The following SULT1A2 variants were observed in gnomAD, a reference collection of about 807,000 sequenced individuals.
The protein encoded by SULT1A2 is sulfotransferase family 1A member 2.
In SULT1A2, 33 loss-of-function variants were observed where a neutral mutation model predicts 36.0. The observed-to-expected ratio is 0.92, with a 90% CI of 0.69 to 1.22. SULT1A2 has a LOEUF of 1.22. SULT1A2 is among the 50% of genes most tolerant of loss of function. The pLI, the probability that SULT1A2 is intolerant of heterozygous loss-of-function variation, is 0.00. For synonymous variants in SULT1A2, 138 were observed against 144.5 expected (o/e 0.96, Z 0.32); for missense variants, 367 against 383.2 (o/e 0.96, Z 0.35).
Position 28,595,895 on chromosome 16 carries a change from C to T in SULT1A2, c.36G>A (p.Leu12=). 1.2e-6 allele frequency: 2 copies of T among 1,602,500 alleles called. No homozygotes were observed. The highest frequency in any genetic ancestry group is 3.4e-5 in the Admixed American group (2 of 58,862). The change falls in exon 2 of 8, where the codon CTG becomes CTA. Residue 12 remains leucine, a synonymous_variant. Coordinates refer to ENST00000335715, the MANE Select transcript of SULT1A2 (RefSeq NM_001054.4). Reference sequence around the variant, plus strand: ...TGAGCGGGACCCCCTTCACGTACTCCAGTGGCGGGCGAGAGATGTCCTGGA... The same window carrying T: ...TGAGCGGGACCCCCTTCACGTACTCTAGTGGCGGGCGAGAGATGTCCTGGA... ...ELIQDISRPP[L]EYVKGVPLIK...
intron 1 of SULT1A2, 161 bp downstream of exon 1, chr16:28,596,836 A>G (rs2047064218): frequency 2.3e-6 from 1 of 425,864 alleles, no homozygotes; most frequent in Non-Finnish European, 3.8e-6. Context: ...CCCCGGAAAA[A>G]AAAAAAAGGA....
chr16:28,593,178 G>C, intron 6 of SULT1A2, 74 bp downstream of exon 6: 2 of 1,599,292 alleles, frequency 1.3e-6, no homozygotes, highest in Non-Finnish European at 1.7e-6. Context: ...GGGTGGCTGG[G>C]TGGCCTTGGC....
At chr16:28,596,521 T>C (rs2047061611) in intron 1 of SULT1A2, 3 of 467,610 alleles carry the variant, frequency 6.4e-6, no homozygotes, top group African/African-American at 2.1e-5. Flanking sequence ...GGCCAGAGCC[T>C]GATGTGGGAA....
chr16:28,595,229 C>T, intron 4 of SULT1A2, 138 bp downstream of exon 4: 1 of 1,126,634 alleles, frequency 8.9e-7, no homozygotes. Flanking sequence ...GCTGGTATTA[C>T]AGGCACACAC....
chr16:28,592,525 G>C (rs756804038), intron 6 of SULT1A2, 82 bp from the exon 7 acceptor site: 1 of 1,600,744 alleles, frequency 6.2e-7, no homozygotes, highest in Non-Finnish European at 8.5e-7. Context: ...TAACCTCAGA[G>C]GGGAACTGGC....
chr16:28,593,634 C>G, intron 4 of SULT1A2, 66 bp from the exon 5 acceptor site: 2 of 1,602,640 alleles, frequency 1.2e-6, no homozygotes, highest in South Asian at 1.1e-5. Flanking sequence ...CAGCTCATCT[C>G]TTGGTTTGGC....
rs746469847 is a variant in SULT1A2 at position 28,593,347 on chromosome 16, CT to C, written c.500-2del. 4.8e-5 allele frequency: 77 copies of C among 1,614,104 alleles called. No individual in the cohort carries two copies. Among genetic ancestry groups the C allele is most frequent in the Non-Finnish European group, 6.4e-5 (76 of 1,180,046 alleles). On this transcript the variant is annotated splice_acceptor_variant, in intron 5 of 7. Coordinates refer to ENST00000335715, the MANE Select transcript of SULT1A2 (RefSeq NM_001054.4). LOFTEE classifies it high-confidence loss of function. ...TGCTGGTACCAGGACCCATAGGACA[CT>C]GGAGAAGCGGGCAGGGAGTGCCGAC...
At chr16:28,593,099 GC>G (rs2047013765) in intron 6 of SULT1A2, among the ~76,000 whole-genome samples, 152 bp downstream of exon 6, 1 of 152,232 alleles carries the variant, frequency 6.6e-6, no homozygotes, top group Admixed American at 6.5e-5. Context: ...GCCACATGGG[GC>G]TGCAGTGGGG....
intron 4 of SULT1A2, 76 bp downstream of exon 4, chr16:28,595,291 G>A: frequency 6.4e-7 from 1 of 1,573,134 alleles, no homozygotes; most frequent in Middle Eastern, 1.8e-4. Context: ...TGGAACTTCT[G>A]GCTTCAAGGG....
At chr16:28,592,211 C>G in intron 7 of SULT1A2, 52 bp downstream of exon 7, 2 of 1,613,818 alleles carry the variant, frequency 1.2e-6, no homozygotes, top group Non-Finnish European at 1.7e-6. Flanking sequence ...TATGGGGAGG[C>G]TCCAGCTGCT....
Position 28,592,461 on chromosome 16 carries a change from C to G in SULT1A2, c.595-18G>C. 2.5e-6 allele frequency: 4 copies of G among 1,614,118 alleles called. No homozygotes were observed. Among genetic ancestry groups the G allele is most frequent in the South Asian group, 1.1e-5 (1 of 91,076 alleles). On this transcript the variant is annotated intron_variant, in intron 6 of 7. Transcript: ENST00000335715. ...TTGGGGTTCTGAGCAGCAGAGGGCT[C>G]CTCAGTGGAGGCTTGGATTGCTGAT...
chr16:28,593,437 C>T lies in SULT1A2; in HGVS notation c.499+5G>A, dbSNP rs1292687595. The stretch of plus-strand genomic sequence containing the variant: ...CCACACCTTCCTTCCTCCCATCAAG[C>T]CCACCTTCTCCAGCCATGAACTTCT... On this transcript the variant is annotated splice_donor_5th_base_variant and intron_variant, in intron 5 of 7. Transcript: ENST00000335715. The T allele has an allele frequency of 6.2e-7, 1 of 1,614,204 alleles. No individual in the cohort carries two copies. The highest frequency in any genetic ancestry group is 1.3e-5 in the African/African-American group (1 of 75,044).
In SULT1A2 at chr16:28,593,441, CCTT is replaced by C. The variant is rs2047020827; in HGVS notation, c.497_499del (p.Glu166del). ...ACCTTCCTTCCTCCCATCAAGCCCA[CCTT>C]CTCCAGCCATGAACTTCTCCAGGAA... is the stretch of plus-strand genomic sequence containing the variant. On this transcript the variant is annotated inframe_deletion and splice_region_variant, in exon 5 of 8. Transcript: ENST00000335715. The C allele has an allele frequency of 6.2e-6, 10 of 1,614,174 alleles. No homozygotes were observed. Among genetic ancestry groups the C allele is most frequent in the Non-Finnish European group, 8.5e-6 (10 of 1,180,038 alleles).
chr16:28,596,397 G>A lies in SULT1A2; in HGVS notation c.-4-463C>T, dbSNP rs1419349681. On this transcript the variant is annotated intron_variant, in intron 1 of 7. Coordinates refer to ENST00000335715, the MANE Select transcript of SULT1A2 (RefSeq NM_001054.4). ...GATGTTCCCCTCCTTGAGCCCCTCG[G>A]CCCCTCACATGTGGCAACTCCTAGG... 5 of 1,064,708 alleles carry A rather than the reference G, an allele frequency of 4.7e-6. No homozygotes were observed. The African/African-American group carries it at 5.1e-5, about 11-fold the overall frequency. 66.0% of individuals were successfully genotyped at this position (1,064,708 alleles called of 1,614,324 possible).
Position 28,595,678 on chromosome 16 carries a change from G to A in SULT1A2, c.149-3C>T, listed in dbSNP as rs1355910264. On this transcript the variant is annotated splice_polypyrimidine_tract_variant and splice_region_variant and intron_variant, in intron 2 of 7. Coordinates refer to ENST00000335715, the MANE Select transcript of SULT1A2 (RefSeq NM_001054.4). ...AATCTGGCTCACCCAGGTGGTGCCTGGAGAGGGAGGGAGATGGGAGGTGAG... is the reference window on the plus strand; with the variant it reads ...AATCTGGCTCACCCAGGTGGTGCCTAGAGAGGGAGGGAGATGGGAGGTGAG... The A allele has an allele frequency of 6.8e-6, 11 of 1,613,944 alleles. No homozygotes were observed. The highest frequency in any genetic ancestry group is 1.1e-5 in the South Asian group (1 of 91,088).
chr16:28,594,061 C>T (rs942758815), intron 4 of SULT1A2, among the ~76,000 whole-genome samples: 1 of 151,150 alleles, frequency 6.6e-6, no homozygotes, highest in South Asian at 2.1e-4. Flanking sequence ...ATGCCCCACA[C>T]CTGGACCTTT....
In SULT1A2 at chr16:28,592,312, G is replaced by A. The variant is rs373442888; in HGVS notation, c.726C>T (p.Thr242=). 6.2e-5 allele frequency: 100 copies of A among 1,613,844 alleles called. 3 individuals are homozygous for A. Among genetic ancestry groups the A allele is most frequent in the South Asian group, 4.9e-4 (45 of 91,082 alleles). Residue 242 remains threonine, a synonymous_variant, in exon 7 of 8, where the codon ACC becomes ACT. Coordinates refer to ENST00000335715, the MANE Select transcript of SULT1A2 (RefSeq NM_001054.4). ...TGTGGTCCATGAACTCCCGGCGGAC[G>A]GTGGTGTAGTTGGTCATAGGGTTCT... ...MKKNPMTNYT[T]VRREFMDHSI...
Position 28,593,281 on chromosome 16 carries a change from G to C in SULT1A2, c.565C>G (p.Leu189Val), listed in dbSNP as rs749565589. 17 of 1,613,974 alleles carry C rather than the reference G, an allele frequency of 1.1e-5. No individual in the cohort carries two copies. Among genetic ancestry groups the C allele is most frequent in the Middle Eastern group, 1.7e-4 (1 of 5,998 alleles). Residue 189 changes from leucine (L) to valine (V), a missense_variant, in exon 6 of 8, where the codon CTC (leucine) becomes GTC (valine). Physicochemically the swap from Leu to Val is conservative, Grantham distance 32. Coordinates refer to ENST00000335715, the MANE Select transcript of SULT1A2 (RefSeq NM_001054.4). ...TTCATGTCTTCATAGAAGAGGTAGA[G>C]AACAGGGTGGGTGCGGCTCAGCTCC... ...WWELSRTHPV[L>V]YLFYEDMKEN... is the part of the protein sequence containing the mutation.
At position 28,593,273 on chromosome 16, in the gene SULT1A2, G is replaced by A. The variant is rs2047016952; in HGVS notation, c.573C>T (p.Leu191=). ...TCACCTCCTTCATGTCTTCATAGAAGAGGTAGAGAACAGGGTGGGTGCGGC... is the reference window on the plus strand; with the variant it reads ...TCACCTCCTTCATGTCTTCATAGAAAAGGTAGAGAACAGGGTGGGTGCGGC... The part of the protein sequence containing the change: ...ELSRTHPVLY[L]FYEDMKENPK... Residue 191 remains leucine, a synonymous_variant, in exon 6 of 8, where the codon CTC becomes CTT. Coordinates refer to ENST00000335715, the MANE Select transcript of SULT1A2 (RefSeq NM_001054.4). 6.2e-7 allele frequency: 1 copy of A among 1,614,050 alleles called. No homozygotes were observed. Among genetic ancestry groups the A allele is most frequent in the East Asian group, 2.2e-5 (1 of 44,878 alleles).
Sources: allele counts gnomAD v4.1 joint callset (sites outside exome capture counted in the v4.1 genomes callset), GRCh38; gene constraint gnomAD v4.1.1; transcripts MANE v1.5; gene names NCBI Gene and HGNC (gene_info 2026-07-23, HGNC 2026-07-21).